The following ZNF101 variants were observed in gnomAD, a reference collection of about 807,000 sequenced individuals.
ZNF101 encodes zinc finger protein 101.
ZNF101 carries 34 observed loss-of-function variants against 42.6 expected under a neutral mutation model. The ratio of observed to expected loss-of-function variants is 0.80; its 90% CI spans 0.61 to 1.06. ZNF101 has a LOEUF of 1.06. ZNF101 is among the 50% of genes least tolerant of loss of function. ZNF101 has a pLI of 0.00. For missense variants in ZNF101, 466 were observed against 530.9 expected (o/e 0.88, Z 1.20); for synonymous variants, 158 against 183.9 (o/e 0.86, Z 1.14).
rs772867645 is a variant in ZNF101 at position 19,679,406 on chromosome 19, G to A, written c.417G>A (p.Thr139=). The change falls in exon 4 of 4, where the codon ACG becomes ACA. Residue 139 remains threonine (T), a synonymous_variant. Coordinates refer to ENST00000592502, the MANE Select transcript of ZNF101 (RefSeq NM_033204.4). ...AGTGTGGTGGGGAATGGAGAGAGAC[G>A]CCCCGTAAACAGAAACAACATGGGA... ...RSECGGEWRE[T]PRKQKQHGKA... is the part of the protein sequence containing the mutation. 4.3e-6 allele frequency: 7 copies of A among 1,613,888 alleles called. No individual in the cohort carries two copies. The highest frequency in any genetic ancestry group is 1.1e-5 in the South Asian group (1 of 91,078).
chr19:19,678,217 C>A (rs1424273956), intron 2 of ZNF101, among the ~76,000 whole-genome samples: 2 of 149,550 alleles, frequency 1.3e-5, no homozygotes, highest in African/African-American at 4.9e-5. Flanking sequence ...CATGATGAGA[C>A]CCTGTCTCTT....
At position 19,681,091 on chromosome 19, in the gene ZNF101, G is replaced by C. The variant is rs1041344800; in HGVS notation, c.*791G>C. On this transcript the variant is annotated 3_prime_UTR_variant, in exon 4 of 4. Coordinates refer to ENST00000592502, the MANE Select transcript of ZNF101 (RefSeq NM_033204.4). The stretch of plus-strand genomic sequence containing the variant: ...AGATCGTGCCACTACACTCCAGCCT[G>C]GATGACGGTGACACTCTGTCTCAGA... The C allele has an allele frequency of 6.6e-6, 1 of 152,200 alleles. No individual in the cohort carries two copies. The allele number at this position is 152,200 out of a possible 1,614,324, so 9.4% of individuals were successfully genotyped here.
rs1429090649 is a variant in ZNF101, at chr19:19,680,352, C to A, written c.*52C>A. ...CCCATATCGGCTGGGTACGGTGGCT[C>A]ACGCTTGTAATCCCAGCACTTTGGG... is the stretch of plus-strand genomic sequence containing the variant. On this transcript the variant is annotated 3_prime_UTR_variant, in exon 4 of 4. Coordinates refer to ENST00000592502, the MANE Select transcript of ZNF101 (RefSeq NM_033204.4). The A allele has an allele frequency of 1.7e-5, 18 of 1,071,762 alleles. No individual in the cohort carries two copies. Among genetic ancestry groups the A allele is most frequent in the Non-Finnish European group, 2.3e-5 (18 of 778,790 alleles). 66.4% of individuals were successfully genotyped at this position (1,071,762 alleles called of 1,614,324 possible).
rs573533515 is a variant in ZNF101, at chr19:19,683,391, G to A, written c.*3091G>A. The A allele has an allele frequency of 3.9e-5, 6 of 152,056 alleles. No individual in the cohort carries two copies. The highest frequency in any genetic ancestry group is 8.8e-5 in the Non-Finnish European group (6 of 67,998). 9.4% of individuals were successfully genotyped at this position (152,056 alleles called of 1,614,324 possible). On this transcript the variant is annotated 3_prime_UTR_variant, in exon 4 of 4. Transcript: ENST00000592502. ...TTTGGATGGTTCATTTTGACTTAAG[G>A]ATAGCCCTGTGATATGACAATATTT...
At position 19,682,397 on chromosome 19, in the gene ZNF101, T is replaced by C. The variant is rs940166295; in HGVS notation, c.*2097T>C. The C allele has an allele frequency of 6.6e-6, 1 of 152,164 alleles. No homozygotes were observed. The highest frequency in any genetic ancestry group is 1.5e-5 in the Non-Finnish European group (1 of 68,058). The allele number at this position is 152,164 out of a possible 1,614,324, so 9.4% of individuals were successfully genotyped here. ...ACCATGCCCAGCTAAATTTTTGGTA[T>C]TTTTGTAGAAACAGGGTTTTTCCAC... is the stretch of plus-strand genomic sequence containing the variant. On this transcript the variant is annotated 3_prime_UTR_variant, in exon 4 of 4. Transcript: ENST00000592502.
chr19:19,679,680 G>A lies in ZNF101; in HGVS notation c.691G>A (p.Gly231Arg). 1.2e-6 allele frequency: 2 copies of A among 1,614,042 alleles called. No individual in the cohort carries two copies. The highest frequency in any genetic ancestry group is 1.7e-6 in the Non-Finnish European group (2 of 1,180,008). ...GEKRYECKYC[G>R]KPIDYPSLFQ... The stretch of plus-strand genomic sequence containing the variant: ...AAAACGCTATGAATGTAAATACTGT[G>A]GAAAACCTATCGATTATCCCAGTTT... The change falls in exon 4 of 4, where the codon GGA (glycine) becomes AGA (arginine). Residue 231 changes from glycine to arginine, a missense_variant. Transcript: ENST00000592502.
Position 19,679,330 on chromosome 19 carries a change from A to G in ZNF101, c.341A>G (p.His114Arg), listed in dbSNP as rs771476191. 6.2e-7 allele frequency: 1 copy of G among 1,614,172 alleles called. No individual in the cohort carries two copies. The highest frequency in any genetic ancestry group is 8.5e-7 in the Non-Finnish European group (1 of 1,180,034). ...CSVCGKVFLRHSFLDRHMRAH... is the reference protein window; with the variant it reads ...CSVCGKVFLRRSFLDRHMRAH... ...GTGTGTGGGAAAGTCTTCCTCCGTCATTCATTCCTGGACAGGCACATGAGA... is the reference window on the plus strand; with the variant it reads ...GTGTGTGGGAAAGTCTTCCTCCGTCGTTCATTCCTGGACAGGCACATGAGA... Residue 114 changes from histidine to arginine, a missense_variant, in exon 4 of 4, where the codon CAT (histidine) becomes CGT (arginine). Physicochemically the swap from His to Arg is conservative, Grantham distance 29. Transcript: ENST00000592502.
Position 19,680,308 on chromosome 19 carries a change from C to T in ZNF101, c.*8C>T. On this transcript the variant is annotated 3_prime_UTR_variant, in exon 4 of 4. Coordinates refer to ENST00000592502, the MANE Select transcript of ZNF101 (RefSeq NM_033204.4). ...CTGAGCCCAGGAGTTTGAGACCAGCCTGGGCAACATAAGAAGGCCCCATAT... is the reference window on the plus strand; with the variant it reads ...CTGAGCCCAGGAGTTTGAGACCAGCTTGGGCAACATAAGAAGGCCCCATAT... The T allele has an allele frequency of 1.4e-6, 2 of 1,445,252 alleles. No homozygotes were observed. Among genetic ancestry groups the T allele is most frequent in the Non-Finnish European group, 1.8e-6 (2 of 1,086,218 alleles). The allele number at this position is 1,445,252 out of a possible 1,614,324, so 89.5% of individuals were successfully genotyped here. A position where few individuals can be genotyped will look rare whatever the true frequency, so the allele number is the denominator to read the frequency against.
upstream of ZNF101, among the ~76,000 whole-genome samples, chr19:19,668,226 C>G (rs931629347): frequency 6.6e-6 from 1 of 152,112 alleles, no homozygotes; most frequent in Admixed American, 6.6e-5. Context: ...TATTAACCTG[C>G]TGGGCTGCTC....
Position 19,679,152 on chromosome 19 carries a change from A to G in ZNF101, c.192-29A>G, listed in dbSNP as rs374714677. On this transcript the variant is annotated intron_variant, in intron 3 of 3. Coordinates refer to ENST00000592502, the MANE Select transcript of ZNF101 (RefSeq NM_033204.4). ...GTAGAAAAGCATTAATAAACCAAGC[A>G]TTGATAATGCGTTTGTCATTTTTCA... 43 of 1,600,084 alleles carry G rather than the reference A, an allele frequency of 2.7e-5. No individual in the cohort carries two copies. In the African/African-American group the frequency reaches 5.1e-4, roughly 19 times the overall value.
rs189504657 is a variant in ZNF101 at position 19,678,347 on chromosome 19, G to A, written c.130+357G>A. ...ATGCAGAAGTATTGCTGGGTGTGAT[G>A]GCTCCTGCCTGTAATCCCAGCACTT... On this transcript the variant is annotated intron_variant, in intron 2 of 3. Transcript: ENST00000592502. 1.2e-4 allele frequency among the ~76,000 whole-genome samples: 19 copies of A among 152,212 alleles called. No homozygotes were observed. In the East Asian group the frequency reaches 2.1e-3, roughly 17 times the overall value.
At chr19:19,669,038 G>T (rs2062152336) in intron 1 of ZNF101, 72 bp downstream of exon 1, 1 of 1,530,792 alleles carries the variant, frequency 6.5e-7, no homozygotes. Context: ...CTGGACCTGG[G>T]CCTCCCCGCG....
At position 19,679,747 on chromosome 19, in the gene ZNF101, AC is replaced by A; in HGVS notation, c.759del (p.Tyr253Ter). On this transcript the variant is annotated frameshift_variant, in exon 4 of 4. Coordinates refer to ENST00000592502, the MANE Select transcript of ZNF101 (RefSeq NM_033204.4). LOFTEE classifies it high-confidence loss of function. ...HVRTHTGEKP[Y>X]KCKQCGKAFI... ...AGAACTCACACTGGAGAAAAACCTT[AC>A]AAATGTAAACAATGTGGTAAAGCCT... is the stretch of plus-strand genomic sequence containing the variant. The A allele has an allele frequency of 6.2e-7, 1 of 1,613,444 alleles. No homozygotes were observed. The highest frequency in any genetic ancestry group is 1.1e-5 in the South Asian group (1 of 91,008).
intron 1 of ZNF101, among the ~76,000 whole-genome samples, chr19:19,669,282 C>A (rs951472986): frequency 2.0e-5 from 3 of 152,186 alleles, no homozygotes; most frequent in Non-Finnish European, 4.4e-5. Flanking sequence ...GCGGGAGGAG[C>A]CGTGGCCTGT....
rs1420913352 is a variant in ZNF101, at chr19:19,679,689, A to T, written c.700A>T (p.Ile234Phe). Reference sequence around the variant, plus strand: ...TGAATGTAAATACTGTGGAAAACCTATCGATTATCCCAGTTTATTTCAAAT... The same window carrying T: ...TGAATGTAAATACTGTGGAAAACCTTTCGATTATCCCAGTTTATTTCAAAT... ...RYECKYCGKPIDYPSLFQIHV... is the reference protein window; with the variant it reads ...RYECKYCGKPFDYPSLFQIHV... The change falls in exon 4 of 4, where the codon ATC (isoleucine) becomes TTC (phenylalanine). Residue 234 changes from isoleucine to phenylalanine, a missense_variant. Transcript: ENST00000592502. 3 of 1,613,994 alleles carry T rather than the reference A, an allele frequency of 1.9e-6. No individual in the cohort carries two copies. Among genetic ancestry groups the T allele is most frequent in the Non-Finnish European group, 2.5e-6 (3 of 1,180,008 alleles).
chr19:19,678,178 G>A (rs994952130), intron 2 of ZNF101, among the ~76,000 whole-genome samples, 188 bp downstream of exon 2: 3 of 150,574 alleles, frequency 2.0e-5, no homozygotes, highest in Non-Finnish European at 2.9e-5. Flanking sequence ...GATTGCTTGC[G>A]TCCAGGAGTT....
At position 19,681,918 on chromosome 19, in the gene ZNF101, C is replaced by CTT. The variant is rs1156877373; in HGVS notation, c.*1620_*1621dup. The stretch of plus-strand genomic sequence containing the variant: ...ATTTATCAGTGGCTCATTCTTTTTT[C>CTT]TTTCTTTTTTTTTTTTTTTTTTGAG... On this transcript the variant is annotated 3_prime_UTR_variant, in exon 4 of 4. Transcript: ENST00000592502. 3 of 139,128 alleles carry CTT rather than the reference C, an allele frequency of 2.2e-5. No individual in the cohort carries two copies. Among genetic ancestry groups the CTT allele is most frequent in the African/African-American group, 7.8e-5 (3 of 38,306 alleles). The allele number at this position is 139,128 out of a possible 1,614,324, so 8.6% of individuals were successfully genotyped here.
At chr19:19,678,630 ATC>A in intron 2 of ZNF101, 94 bp from the exon 3 acceptor site, 1 of 1,046,406 alleles carries the variant, frequency 9.6e-7, no homozygotes, top group Non-Finnish European at 1.3e-6. Context: ...AAAAAAAAAA[ATC>A]AGGCATTGTG....
intron 1 of ZNF101, chr19:19,676,991 T>C (rs530440079): frequency 3.3e-5 from 5 of 152,326 alleles, no homozygotes; most frequent in South Asian, 2.1e-4. Flanking sequence ...GGACATCTTA[T>C]TGAGTTTTTT....
Sources: gnomAD v4.1 joint callset for allele counts (sites outside exome capture counted in the v4.1 genomes callset) on GRCh38, gnomAD v4.1.1 for gene constraint, MANE v1.5 for transcripts, NCBI Gene and HGNC (gene_info 2026-07-23, HGNC 2026-07-21) for gene names.